Variants in HS6ST3 observed in about 807,000 individuals in gnomAD.
HS6ST3 encodes heparan-sulfate 6-O-sulfotransferase 3.
Under a neutral mutation model 36.7 loss-of-function variants are expected in HS6ST3, and 12 were observed. That is an observed-to-expected ratio of 0.33 (90% CI 0.21 to 0.53). HS6ST3 has a LOEUF of 0.53. Among genes scored for constraint, HS6ST3 ranks in the 20% least tolerant of loss-of-function variants. HS6ST3 has a pLI of 0.95. For synonymous variants in HS6ST3, 240 were observed against 257.5 expected (o/e 0.93, Z 0.65); for missense variants, 584 against 640.9 (o/e 0.91, Z 0.96).
At chr13:96,314,323 TACTC>T in intron 1 of HS6ST3, among the ~76,000 whole-genome samples, 1 of 152,344 alleles carries the variant, frequency 6.6e-6, no homozygotes. Flanking sequence ...TCGACAAAGA[TACTC>T]ACACACATAA....
rs146167133 is a variant in HS6ST3, at chr13:96,783,074, G to A, written c.708-49416G>A. Among the ~76,000 whole-genome samples the A allele has an allele frequency of 6.4e-4, 97 of 152,286 alleles. 2 individuals carry two copies. Among genetic ancestry groups the A allele is most frequent in the African/African-American group, 2.2e-3 (92 of 41,558 alleles). ...AAATGAGGGCAAAATAGAGCACATT[G>A]TTTGTTCAAGGAACAAAGAGTCTTA... On this transcript the variant is annotated intron_variant, in intron 1 of 1. Transcript: ENST00000376705.
chr13:96,832,810 A>G lies in HS6ST3; in HGVS notation c.1028A>G (p.Asn343Ser), dbSNP rs1566464592. 12 of 1,614,216 alleles carry G rather than the reference A, an allele frequency of 7.4e-6. No homozygotes were observed. Among genetic ancestry groups the G allele is most frequent in the Non-Finnish European group, 1.0e-5 (12 of 1,180,028 alleles). Reference sequence around the variant, plus strand: ...ACCATCCTGTTGCAGAGTGCAAAGAACAACCTGAAGAACATGGCCTTCTTT... The same window carrying G: ...ACCATCCTGTTGCAGAGTGCAAAGAGCAACCTGAAGAACATGGCCTTCTTT... The part of the protein sequence containing the change: ...RNTILLQSAK[N>S]NLKNMAFFGL... Residue 343 changes from asparagine (N) to serine (S), a missense_variant, in exon 2 of 2, where the codon AAC (asparagine) becomes AGC (serine). By Grantham distance (46) the Asn-to-Ser change is conservative. Around this residue, in one of 3 missense-constraint regions of HS6ST3, gnomAD observed 360 missense variants for 411.3 expected, o/e 0.88. Transcript: ENST00000376705.
intron 1 of HS6ST3, among the ~76,000 whole-genome samples, chr13:96,167,339 C>CT (rs1381468460): frequency 2.0e-5 from 3 of 152,164 alleles, no homozygotes; most frequent in Non-Finnish European, 4.4e-5. Flanking sequence ...TTTAACTCAT[C>CT]TTTTTTTCCC....
intron 1 of HS6ST3, among the ~76,000 whole-genome samples, chr13:96,436,423 A>G (rs2055642782): frequency 6.6e-6 from 1 of 152,220 alleles, no homozygotes; most frequent in Non-Finnish European, 1.5e-5. Context: ...TACTGTACAC[A>G]GTTACCACTG....
At chr13:96,155,393 T>G (rs1009455810) in intron 1 of HS6ST3, among the ~76,000 whole-genome samples, 1 of 152,184 alleles carries the variant, frequency 6.6e-6, no homozygotes, top group Non-Finnish European at 1.5e-5. Context: ...AAATATATTC[T>G]TGCCTTGTGG....
At chr13:96,433,566 T>A (rs769022239) in intron 1 of HS6ST3, among the ~76,000 whole-genome samples, 4 of 152,222 alleles carry the variant, frequency 2.6e-5, no homozygotes, top group Non-Finnish European at 4.4e-5. Context: ...CTGTGTAAGA[T>A]GTGCCTTTGC....
chr13:96,471,934 T>G (rs2055842041), intron 1 of HS6ST3, among the ~76,000 whole-genome samples: 1 of 152,150 alleles, frequency 6.6e-6, no homozygotes. Flanking sequence ...TGGCTGAGGT[T>G]GGTTGGGTTT....
At chr13:96,476,200 GTCTTAACACTCCAAAAACACT>G (rs377333222) in intron 1 of HS6ST3, among the ~76,000 whole-genome samples, 387 of 152,196 alleles carry the variant, frequency 2.5e-3, no homozygotes, top group African/African-American at 9.1e-3. Flanking sequence ...CTTTGCTGGA[GTCTTAACACTCCAAAAACACT>G]TCTTAACACT....
At chr13:96,470,404 G>A (rs1208841716) in intron 1 of HS6ST3, among the ~76,000 whole-genome samples, 1 of 152,048 alleles carries the variant, frequency 6.6e-6, no homozygotes, top group Non-Finnish European at 1.5e-5. Context: ...TATTCTGAAT[G>A]GACTGTCTTT....
At chr13:96,350,758 T>C (rs1022324241) in intron 1 of HS6ST3, among the ~76,000 whole-genome samples, 1 of 152,204 alleles carries the variant, frequency 6.6e-6, no homozygotes, top group Non-Finnish European at 1.5e-5. Flanking sequence ...CACCTGCTAG[T>C]GTATTTCCTT....
At chr13:96,808,365 C>G (rs183612053) in intron 1 of HS6ST3, among the ~76,000 whole-genome samples, 5 of 152,248 alleles carry the variant, frequency 3.3e-5, no homozygotes, top group Non-Finnish European at 1.5e-5. Context: ...CAGATCAAAG[C>G]ATTTAATGGC....
chr13:96,495,424 AC>A (rs1296891202), intron 1 of HS6ST3, among the ~76,000 whole-genome samples: 1 of 151,992 alleles, frequency 6.6e-6, no homozygotes, highest in Non-Finnish European at 1.5e-5. Flanking sequence ...CTTCATCATT[AC>A]CCCCTTAGAA....
At chr13:96,537,106 G>GA (rs1231411708) in intron 1 of HS6ST3, among the ~76,000 whole-genome samples, 1 of 152,178 alleles carries the variant, frequency 6.6e-6, no homozygotes, top group Non-Finnish European at 1.5e-5. Context: ...AATTTATAAA[G>GA]AAAAAGGTTT....
intron 1 of HS6ST3, among the ~76,000 whole-genome samples, chr13:96,342,226 T>A (rs1477870727): frequency 6.6e-6 from 1 of 152,208 alleles, no homozygotes; most frequent in East Asian, 1.9e-4. Flanking sequence ...TTCCTTTTCA[T>A]ATTTGGACAT....
At chr13:96,152,446 T>C (rs1594696090) in intron 1 of HS6ST3, among the ~76,000 whole-genome samples, 1 of 150,916 alleles carries the variant, frequency 6.6e-6, no homozygotes, top group African/African-American at 2.4e-5. Flanking sequence ...CTCGCCATTC[T>C]CCTGCCTCAG....
intron 1 of HS6ST3, among the ~76,000 whole-genome samples, chr13:96,581,847 A>G (rs1382899545): frequency 6.6e-6 from 1 of 152,174 alleles, no homozygotes; most frequent in Non-Finnish European, 1.5e-5. Context: ...TTGAGGATAT[A>G]GACTTCACTG....
intron 1 of HS6ST3, among the ~76,000 whole-genome samples, chr13:96,390,052 C>T (rs1013439534): frequency 2.0e-5 from 3 of 152,022 alleles, no homozygotes; most frequent in Non-Finnish European, 4.4e-5. Context: ...ATGACAGTAT[C>T]TCTTTGGGGC....
At chr13:96,289,203 AT>A (rs1300301447) in intron 1 of HS6ST3, among the ~76,000 whole-genome samples, 1 of 152,154 alleles carries the variant, frequency 6.6e-6, no homozygotes, top group Non-Finnish European at 1.5e-5. Flanking sequence ...TGTAAACTCA[AT>A]GCCTTTTCAT....
At chr13:96,701,977 A>T (rs1183655068) in intron 1 of HS6ST3, among the ~76,000 whole-genome samples, 2 of 152,232 alleles carry the variant, frequency 1.3e-5, no homozygotes. Context: ...GAAATGGCCT[A>T]TGAACAAAGG....
Sources: allele counts gnomAD v4.1 joint callset (sites outside exome capture counted in the v4.1 genomes callset), GRCh38; gene constraint gnomAD v4.1.1; regional missense constraint gnomAD v4.1.1; transcripts MANE v1.5; gene names NCBI Gene and HGNC (gene_info 2026-07-23, HGNC 2026-07-21).